The following DPP6 variants were observed in gnomAD, a reference collection of about 807,000 sequenced individuals.
The protein encoded by DPP6 is A-type potassium channel modulatory protein DPP6.
In DPP6, 69 loss-of-function variants were observed where a neutral mutation model predicts 122.6. The ratio of observed to expected loss-of-function variants is 0.56; its 90% CI spans 0.46 to 0.69. DPP6 has a LOEUF of 0.69. Ranked by LOEUF, DPP6 falls within the 30% of genes least tolerant of loss-of-function variation. The probability of loss-of-function intolerance (pLI) is 0.00; values close to 1 mark genes in which losing one functional copy is unlikely to be tolerated. For missense variants in DPP6, 928 were observed against 1,116.9 expected (o/e 0.83, Z 2.41); for synonymous variants, 418 against 433.1 (o/e 0.97, Z 0.43).
chr7:154,575,830 G>T (rs2130628581), intron 5 of DPP6, among the ~76,000 whole-genome samples: 1 of 151,712 alleles, frequency 6.6e-6, no homozygotes, highest in Non-Finnish European at 1.5e-5. Flanking sequence ...TGTGTGTGTT[G>T]TTCTGGCTAG....
intron 1 of DPP6, chr7:154,305,335 T>TGGGCG: frequency 2.0e-6 from 2 of 1,024,736 alleles, no homozygotes; most frequent in Non-Finnish European, 2.4e-6. Flanking sequence ...TCGTCTTGTC[T>TGGGCG]ACCCACCCTC....
chr7:154,576,353 C>T (rs1016539409), intron 5 of DPP6, among the ~76,000 whole-genome samples: 6 of 152,094 alleles, frequency 3.9e-5, no homozygotes, highest in African/African-American at 9.7e-5. Flanking sequence ...TGCCCAACCA[C>T]GATGACCTTT....
chr7:154,380,781 G>T (rs1813528624), intron 1 of DPP6, among the ~76,000 whole-genome samples: 1 of 152,192 alleles, frequency 6.6e-6, no homozygotes, highest in African/African-American at 2.4e-5. Context: ...GTGGGAGACT[G>T]GTTGCTAGTC....
rs548119089 is a variant in DPP6, at chr7:154,059,324, C to A, written c.243+6261C>A. Reference sequence around the variant, plus strand: ...ACTGAGAGCCAGACCCTCTTCCCCCCCTGGCTTAGGGCCCCCATCGTTGAT... The same window carrying A: ...ACTGAGAGCCAGACCCTCTTCCCCCACTGGCTTAGGGCCCCCATCGTTGAT... On this transcript the variant is annotated intron_variant, in intron 1 of 25. Coordinates refer to ENST00000377770, the MANE Select transcript of DPP6 (RefSeq NM_130797.4). 287 of 160,490 alleles carry A rather than the reference C, an allele frequency of 1.8e-3. 3 individuals are homozygous for A. The East Asian group carries it at 0.044, about 25-fold the overall frequency. The allele number at this position is 160,490 out of a possible 1,614,324, so 9.9% of individuals were successfully genotyped here. A position where few individuals can be genotyped will look rare whatever the true frequency, so the allele number is the denominator to read the frequency against.
chr7:154,041,262 T>C (rs2129057865), intron 1 of DPP6, among the ~76,000 whole-genome samples: 1 of 152,238 alleles, frequency 6.6e-6, no homozygotes, highest in South Asian at 2.1e-4. Flanking sequence ...TGTGCAAAAA[T>C]CAATAAAAAG....
intron 1 of DPP6, among the ~76,000 whole-genome samples, chr7:154,423,868 G>T (rs2151234943): frequency 6.6e-6 from 1 of 152,302 alleles, no homozygotes; most frequent in South Asian, 2.1e-4. Flanking sequence ...ACTATTGAGT[G>T]CAAGTTAAAG....
At chr7:153,878,623 T>C in the DPP6 span, among the ~76,000 whole-genome samples, 3 of 152,146 alleles carry the variant, frequency 2.0e-5, no homozygotes, top group African/African-American at 7.2e-5. Flanking sequence ...AATGGGATTG[T>C]AACTAGAAGA....
At chr7:153,923,231 TA>T (rs1800726334) in intron 1 of DPP6, among the ~76,000 whole-genome samples, 1 of 152,148 alleles carries the variant, frequency 6.6e-6, no homozygotes, top group South Asian at 2.1e-4. Flanking sequence ...TGTTGAAAAT[TA>T]TTGCCTGTTA....
At chr7:154,769,880 C>G (rs1010653580) in intron 9 of DPP6, among the ~76,000 whole-genome samples, 1 of 152,122 alleles carries the variant, frequency 6.6e-6, no homozygotes, top group Non-Finnish European at 1.5e-5. Flanking sequence ...CCCTCTCTCA[C>G]GCATCTTATT....
rs577577267 is a variant in DPP6 at position 154,403,616 on chromosome 7, G to A, written c.244-42598G>A. ...CCTTTCTCTGCTGTCTGCACGTGGC[G>A]AAAATGAAAGCATTTCATGGAACCT... On this transcript the variant is annotated intron_variant, in intron 1 of 25. Transcript: ENST00000377770. This position sits in a 1 kb window ranked among gnomAD's most constrained non-coding sequence, Gnocchi z 4.1. 1.1e-4 allele frequency among the ~76,000 whole-genome samples: 17 copies of A among 152,306 alleles called. 1 individual carries two copies. In the South Asian group the frequency reaches 3.1e-3, roughly 28 times the overall value.
chr7:154,632,499 C>T (rs1835467731), intron 5 of DPP6, among the ~76,000 whole-genome samples: 1 of 152,126 alleles, frequency 6.6e-6, no homozygotes, highest in African/African-American at 2.4e-5. Context: ...TTACTGAGTG[C>T]ATGATGGAGC....
At chr7:154,007,708 G>A (rs939822162) in intron 1 of DPP6, among the ~76,000 whole-genome samples, 2 of 152,090 alleles carry the variant, frequency 1.3e-5, no homozygotes, top group African/African-American at 4.8e-5. Flanking sequence ...CAAAGAATGT[G>A]TCAGAGGGCC....
chr7:154,104,549 A>G (rs7794934), intron 1 of DPP6, among the ~76,000 whole-genome samples: 10,017 of 152,338 alleles, frequency 0.066, 356 homozygotes, highest in Middle Eastern at 0.16. Context: ...ACAGTCTGCT[A>G]CCGTGTATTT....
At chr7:154,503,478 C>G (rs1195101875) in intron 3 of DPP6, among the ~76,000 whole-genome samples, 2 of 152,190 alleles carry the variant, frequency 1.3e-5, no homozygotes, top group East Asian at 3.9e-4. Context: ...AAGGTGGGCT[C>G]TCTTGACTGA....
intron 5 of DPP6, among the ~76,000 whole-genome samples, chr7:154,613,006 C>T (rs1010353226): frequency 3.9e-5 from 6 of 152,140 alleles, no homozygotes; most frequent in African/African-American, 1.4e-4. Context: ...CTGCAAACTT[C>T]TGACTTCTTG....
At chr7:153,945,548 C>T (rs1801909430) in intron 1 of DPP6, among the ~76,000 whole-genome samples, 1 of 152,172 alleles carries the variant, frequency 6.6e-6, no homozygotes, top group Non-Finnish European at 1.5e-5. Flanking sequence ...CTCTAGAGAG[C>T]ACCTCGTATA....
At chr7:153,981,891 A>G (rs1031164179) in intron 1 of DPP6, among the ~76,000 whole-genome samples, 3 of 151,522 alleles carry the variant, frequency 2.0e-5, no homozygotes, top group Non-Finnish European at 2.9e-5. Context: ...TCTGGCTTGT[A>G]GGGTTTCTGC....
intron 1 of DPP6, among the ~76,000 whole-genome samples, chr7:154,351,975 C>T (rs534826083): frequency 4.9e-4 from 74 of 152,168 alleles, no homozygotes; most frequent in African/African-American, 1.6e-3. Context: ...GGGCACTGGC[C>T]GACCAGCCTG....
rs74683440 is a variant in DPP6, at chr7:154,826,436, T to G, written c.1666+19324T>G. ...CCAGTTTCCTTGTTATCTTCCCAACTGTCTCCTAGCTGAATTGTTCAGTGG... is the reference window on the plus strand; with the variant it reads ...CCAGTTTCCTTGTTATCTTCCCAACGGTCTCCTAGCTGAATTGTTCAGTGG... On this transcript the variant is annotated intron_variant, in intron 16 of 25. Coordinates refer to ENST00000377770, the MANE Select transcript of DPP6 (RefSeq NM_130797.4). Among the ~76,000 whole-genome samples, 509 of 152,340 alleles carry G rather than the reference T, an allele frequency of 3.3e-3. 4 individuals carry two copies. Among genetic ancestry groups the G allele is most frequent in the Non-Finnish European group, 5.1e-3 (345 of 68,032 alleles).
Sources: allele counts gnomAD v4.1 joint callset (sites outside exome capture counted in the v4.1 genomes callset), GRCh38; gene constraint gnomAD v4.1.1; non-coding constraint Gnocchi (gnomAD v3.1); transcripts MANE v1.5; gene names NCBI Gene and HGNC (gene_info 2026-07-23, HGNC 2026-07-21).